The following GASK1A variants were observed in gnomAD, a reference collection of about 807,000 sequenced individuals.
GASK1A encodes Golgi-associated kinase 1A.
Under a neutral mutation model 41.2 loss-of-function variants are expected in GASK1A, and 40 were observed. The observed-to-expected ratio is 0.97, with a 90% CI of 0.75 to 1.27. The LOEUF is 1.27. GASK1A is among the 50% of genes most tolerant of loss of function. The pLI is 0.00. For missense variants in GASK1A, 678 were observed against 745.1 expected, an observed-to-expected ratio of 0.91 and a Z score of 1.05; for synonymous variants, 316 against 307.1, an observed-to-expected ratio of 1.03 and a Z score of -0.30.
chr3:42,985,459 A>G (rs1487776709), intron 1 of GASK1A, among the ~76,000 whole-genome samples: 1 of 152,162 alleles, frequency 6.6e-6, no homozygotes, highest in Non-Finnish European at 1.5e-5. Flanking sequence ...TTTAAGCCAG[A>G]CATTGTGTAG....
intron 4 of GASK1A, 121 bp from the exon 5 acceptor site, chr3:43,056,055 A>G: frequency 1.3e-6 from 1 of 757,544 alleles, no homozygotes; most frequent in South Asian, 1.9e-5. Flanking sequence ...TTGCCAGGTG[A>G]CTTTACCAGA....
chr3:43,056,917 T>G lies in GASK1A; in HGVS notation c.*531T>G, dbSNP rs1187076062. 6.6e-6 allele frequency: 1 copy of G among 152,204 alleles called. No homozygotes were observed. Among genetic ancestry groups the G allele is most frequent in the Non-Finnish European group, 1.5e-5 (1 of 68,060 alleles). 9.4% of individuals were successfully genotyped at this position (152,204 alleles called of 1,614,324 possible). On this transcript the variant is annotated 3_prime_UTR_variant, in exon 5 of 5. Transcript: ENST00000430121. ...CAGTTATGTTTTTGGTTTAAAAAAT[T>G]ATAAAAGTCTAAAAGTAATACATGC...
In GASK1A at chr3:43,014,221, C is replaced by G. The variant is rs150507173; in HGVS notation, c.4-18046C>G. ...GTCACAGGTAGGGACAGGGGGTAGT[C>G]ACAGGAAGGTGCTGTGTGAAGCCAC... is the stretch of plus-strand genomic sequence containing the variant. On this transcript the variant is annotated intron_variant, in intron 1 of 4. Transcript: ENST00000430121. 4.6e-3 allele frequency among the ~76,000 whole-genome samples: 689 copies of G among 151,240 alleles called. 3 individuals carry two copies. The highest frequency in any genetic ancestry group is 0.021 in the Middle Eastern group (6 of 286).
chr3:43,028,690 G>A (rs1425656150), intron 1 of GASK1A, among the ~76,000 whole-genome samples: 2 of 152,198 alleles, frequency 1.3e-5, no homozygotes, highest in Admixed American at 6.5e-5. Context: ...GTAAGCAGGC[G>A]AGAGATTCCA....
rs2089591715 is a variant in GASK1A, at chr3:43,033,683, C to T, written c.1290+130C>T. 3 of 814,762 alleles carry T rather than the reference C, an allele frequency of 3.7e-6. No individual in the cohort carries two copies. In the Admixed American group the frequency reaches 1.0e-4, roughly 27 times the overall value. 50.5% of individuals were successfully genotyped at this position (814,762 alleles called of 1,614,324 possible). ...GTCTTGGTTTTTTGACCACCAAGCA[C>T]CTGCTTTTGTAATTTTCCTGCCTCT... is the stretch of plus-strand genomic sequence containing the variant. On this transcript the variant is annotated intron_variant, in intron 2 of 4. Coordinates refer to ENST00000430121, the MANE Select transcript of GASK1A (RefSeq NM_001129908.3).
At chr3:43,053,859 G>T in intron 3 of GASK1A, 1 of 674,708 alleles carries the variant, frequency 1.5e-6, no homozygotes, top group South Asian at 1.5e-5. Context: ...GAGGAGGGGT[G>T]TGGGGTGGGG....
Position 42,984,295 on chromosome 3 carries a change from T to A in GASK1A, c.3+4650T>A, listed in dbSNP as rs1195698335. 1.2e-5 allele frequency among the ~76,000 whole-genome samples: 1 copy of A among 86,690 alleles called. No homozygotes were observed. Among genetic ancestry groups the A allele is most frequent in the African/African-American group, 3.2e-5 (1 of 31,014 alleles). The allele number at this position is 86,690 out of a possible 152,430, so 56.9% of individuals were successfully genotyped here. A position where few individuals can be genotyped will look rare whatever the true frequency, so the allele number is the denominator to read the frequency against. On this transcript the variant is annotated intron_variant, in intron 1 of 4. Transcript: ENST00000430121. The surrounding 1 kb of genome is among the most constrained non-coding windows in gnomAD (Gnocchi z 4.2). ...CCTTCTTTATGTGGATTTCACTTCC[T>A]ATCTCTCTCTCTCTCTCTTTCTCTC...
At chr3:42,986,636 C>CT (rs146611174) in intron 1 of GASK1A, among the ~76,000 whole-genome samples, 23,850 of 152,146 alleles carry the variant, frequency 0.16, 2,037 homozygotes, top group Non-Finnish European at 0.19. Flanking sequence ...GGGCCAGGGC[C>CT]TGGCTCTTGG....
chr3:43,036,503 G>A (rs1468958022), intron 2 of GASK1A, among the ~76,000 whole-genome samples: 1 of 152,122 alleles, frequency 6.6e-6, no homozygotes, highest in Admixed American at 6.5e-5. Flanking sequence ...CACAAGCACC[G>A]CACACATGCA....
chr3:43,033,169 C>T lies in GASK1A; in HGVS notation c.906C>T (p.Asp302=). Residue 302 remains aspartate, a synonymous_variant, in exon 2 of 5, where the codon GAC becomes GAT. Transcript: ENST00000430121. ...TCTCCACTGAGGCTGCCCTTCAGGA[C>T]CTGTCCTCTCCCAGGCTCAGCCAAC... ...VGFSTEAALQ[D]LSSPRLSQLC... 2 of 1,551,048 alleles carry T rather than the reference C, an allele frequency of 1.3e-6. No individual in the cohort carries two copies. Among genetic ancestry groups the T allele is most frequent in the Non-Finnish European group, 8.7e-7 (1 of 1,146,528 alleles).
In GASK1A at chr3:43,032,537, G is replaced by A. The variant is rs2089581981; in HGVS notation, c.274G>A (p.Ala92Thr). The A allele has an allele frequency of 1.3e-6, 2 of 1,549,916 alleles. No individual in the cohort carries two copies. The highest frequency in any genetic ancestry group is 1.7e-6 in the Non-Finnish European group (2 of 1,145,512). The change falls in exon 2 of 5, where the codon GCT (alanine) becomes ACT (threonine). Residue 92 changes from alanine to threonine, a missense_variant. By Grantham distance (58) the Ala-to-Thr change is moderately conservative. Transcript: ENST00000430121. ...ALPRNSILVCAEEQGHRARVD... is the reference protein window; with the variant it reads ...ALPRNSILVCTEEQGHRARVD... ...GCCCAGGAACTCCATCTTGGTCTGT[G>A]CTGAGGAGCAAGGCCATAGAGCAAG... is the stretch of plus-strand genomic sequence containing the variant.
intron 2 of GASK1A, among the ~76,000 whole-genome samples, chr3:43,042,758 G>T (rs555717879): frequency 6.6e-6 from 1 of 152,254 alleles, no homozygotes; most frequent in African/African-American, 2.4e-5. Flanking sequence ...ATAAGCTATA[G>T]TCCTTCTCAA....
At chr3:43,019,107 GAC>G (rs749460039) in intron 1 of GASK1A, among the ~76,000 whole-genome samples, 1 of 152,368 alleles carries the variant, frequency 6.6e-6, no homozygotes, top group Non-Finnish European at 1.5e-5. Flanking sequence ...AGCAGTCTCA[GAC>G]ATGTAGTGAA....
At chr3:43,002,515 A>G (rs556804582) in intron 1 of GASK1A, among the ~76,000 whole-genome samples, 1 of 152,276 alleles carries the variant, frequency 6.6e-6, no homozygotes, top group African/African-American at 2.4e-5. Flanking sequence ...CTGGGGCTCC[A>G]AGGACCTCTG....
chr3:43,029,336 C>T (rs1253610429), intron 1 of GASK1A, among the ~76,000 whole-genome samples: 1 of 152,104 alleles, frequency 6.6e-6, no homozygotes, highest in East Asian at 1.9e-4. Flanking sequence ...TCTTTGAAAG[C>T]CACCCTCCAG....
intron 1 of GASK1A, among the ~76,000 whole-genome samples, chr3:42,989,368 C>A (rs559515976): frequency 6.6e-6 from 1 of 152,280 alleles, no homozygotes; most frequent in South Asian, 2.1e-4. Context: ...CTGGACTTCC[C>A]TTTTAGGGTT....
intron 1 of GASK1A, among the ~76,000 whole-genome samples, chr3:43,010,635 A>C (rs969807474): frequency 6.6e-6 from 1 of 152,138 alleles, no homozygotes; most frequent in Non-Finnish European, 1.5e-5. Context: ...TTCTTGCTTT[A>C]AAAGCTAATA....
At chr3:43,015,954 T>A (rs1355193253) in intron 1 of GASK1A, among the ~76,000 whole-genome samples, 19 of 140,556 alleles carry the variant, frequency 1.4e-4, no homozygotes, top group African/African-American at 4.5e-4. Flanking sequence ...AGGAAGGGTC[T>A]GTGTGAAGCC....
intron 1 of GASK1A, among the ~76,000 whole-genome samples, chr3:43,003,871 A>T (rs528006509): frequency 6.6e-6 from 1 of 152,320 alleles, no homozygotes; most frequent in African/African-American, 2.4e-5. Flanking sequence ...AAGGTGTATG[A>T]CCAAAAAGTT....
Sources: allele counts gnomAD v4.1 joint callset (sites outside exome capture counted in the v4.1 genomes callset), GRCh38; gene constraint gnomAD v4.1.1; non-coding constraint Gnocchi (gnomAD v3.1); transcripts MANE v1.5; gene names NCBI Gene and HGNC (gene_info 2026-07-23, HGNC 2026-07-21).